The following PIK3CB variants were observed in gnomAD, a reference collection of about 807,000 sequenced individuals.
The protein encoded by PIK3CB is phosphatidylinositol-4,5-bisphosphate 3-kinase catalytic subunit beta, also known as phosphatidylinositol 4,5-bisphosphate 3-kinase catalytic subunit beta isoform.
In PIK3CB, 39 loss-of-function variants were observed where a neutral mutation model predicts 136.8. The ratio of observed to expected loss-of-function variants is 0.29; its 90% CI spans 0.22 to 0.37. The LOEUF (loss-of-function observed/expected upper bound fraction) is 0.37. Ranked by LOEUF, PIK3CB falls within the 10% of genes least tolerant of loss-of-function variation. The pLI is 1.00. For missense variants in PIK3CB, 868 were observed against 1,275.4 expected (o/e 0.68, Z 4.87); for synonymous variants, 428 against 436.6 (o/e 0.98, Z 0.25).
At chr3:138,746,073 C>T (rs895546792) in intron 4 of PIK3CB, among the ~76,000 whole-genome samples, 7 of 151,908 alleles carry the variant, frequency 4.6e-5, no homozygotes, top group African/African-American at 1.2e-4. Context: ...ATAGTGAGAC[C>T]TCATCTCTAT....
chr3:138,751,182 G>T (rs1440000321), intron 4 of PIK3CB, among the ~76,000 whole-genome samples: 2 of 152,096 alleles, frequency 1.3e-5, no homozygotes, highest in Admixed American at 1.3e-4. Context: ...TTTTAGGCCG[G>T]GCGCAGTAGC....
intron 16 of PIK3CB, among the ~76,000 whole-genome samples, chr3:138,687,828 C>A (rs493152): frequency 0.6 from 90,388 of 151,910 alleles, 27,619 homozygotes; most frequent in East Asian, 0.98. Flanking sequence ...AAGGGAAACA[C>A]GGGGTACAAT....
chr3:138,729,398 T>C (rs554816091), intron 8 of PIK3CB, among the ~76,000 whole-genome samples: 1 of 152,242 alleles, frequency 6.6e-6, no homozygotes, highest in South Asian at 2.1e-4. Flanking sequence ...ATGAGATATT[T>C]GGTCAAACAT....
chr3:138,790,053 T>C (rs961819940), intron 2 of PIK3CB, among the ~76,000 whole-genome samples: 1 of 152,184 alleles, frequency 6.6e-6, no homozygotes, highest in African/African-American at 2.4e-5. Context: ...CTTAAAAATA[T>C]AATGCCAAGT....
chr3:138,706,165 G>A (rs1273642291), intron 11 of PIK3CB, among the ~76,000 whole-genome samples: 2 of 152,202 alleles, frequency 1.3e-5, no homozygotes, highest in Non-Finnish European at 2.9e-5. Context: ...ACAGTTGCTT[G>A]AGGCAAGTAA....
rs1298339692 is a variant in PIK3CB, at chr3:138,759,253, G to A, written c.91C>T (p.Pro31Ser). Reference protein sequence around the residue: ...DSQIASDGSIPVDFLLPTGIY... With the variant: ...DSQIASDGSISVDFLLPTGIY... ...CCAGTGGGCAAAAGGAAATCCACAG[G>A]TATGGAGCCATCAGATGCTATCTGT... Residue 31 changes from proline (P) to serine (S), a missense_variant, in exon 3 of 24, where the codon CCT becomes TCT. Transcript: ENST00000674063. 4 of 1,613,052 alleles carry A rather than the reference G, an allele frequency of 2.5e-6. No homozygotes were observed. The highest frequency in any genetic ancestry group is 3.4e-6 in the Non-Finnish European group (4 of 1,179,160).
chr3:138,784,765 A>C (rs1282396100), intron 2 of PIK3CB, among the ~76,000 whole-genome samples: 1 of 152,146 alleles, frequency 6.6e-6, no homozygotes, highest in African/African-American at 2.4e-5. Flanking sequence ...CAGTGGCGTG[A>C]TCTCAGCTCG....
At chr3:138,743,183 A>G (rs2045278431) in intron 4 of PIK3CB, among the ~76,000 whole-genome samples, 1 of 152,218 alleles carries the variant, frequency 6.6e-6, no homozygotes, top group Non-Finnish European at 1.5e-5. Flanking sequence ...AACAGTTTCA[A>G]TACTATATTA....
chr3:138,705,183 AAACAAAC>A lies in PIK3CB; in HGVS notation c.1531-697_1531-691del, dbSNP rs1314232490. ...AAAAAAAAAAAAAAAACAAAAAACA[AAACAAAC>A]AAAAAAAAAAACTTATATTTGCAAA... is the stretch of plus-strand genomic sequence containing the variant. On this transcript the variant is annotated intron_variant, in intron 11 of 23. Transcript: ENST00000674063. Among the ~76,000 whole-genome samples the A allele has an allele frequency of 2.0e-3, 172 of 85,508 alleles. 38 individuals carry two copies. Among genetic ancestry groups the A allele is most frequent in the East Asian group, 0.011 (19 of 1,796 alleles). 56.1% of individuals were successfully genotyped at this position (85,508 alleles called of 152,430 possible). A position where few individuals can be genotyped will look rare whatever the true frequency, so the allele number is the denominator to read the frequency against.
intron 8 of PIK3CB, among the ~76,000 whole-genome samples, chr3:138,725,004 G>A (rs1274218647): frequency 6.6e-6 from 1 of 152,092 alleles, no homozygotes; most frequent in Non-Finnish European, 1.5e-5. Flanking sequence ...GGAAAATACG[G>A]GGAAGGTGTG....
rs369087037 is a variant in PIK3CB at position 138,794,958 on chromosome 3, G to C, written c.-17+1505C>G. ...AGAGGCTGAGGCAGGAGGATCACTT[G>C]AGCCCAGAAGTGATAGCATCACTGG... On this transcript the variant is annotated intron_variant, in intron 2 of 23. Coordinates refer to ENST00000674063, the MANE Select transcript of PIK3CB (RefSeq NM_006219.3). Among the ~76,000 whole-genome samples, 25 of 152,236 alleles carry C rather than the reference G, an allele frequency of 1.6e-4. No homozygotes were observed. The South Asian group carries it at 4.8e-3, about 29-fold the overall frequency.
rs1362983602 is a variant in PIK3CB, at chr3:138,684,818, C to T, written c.2137-15G>A. 2.5e-6 allele frequency: 4 copies of T among 1,588,232 alleles called. No individual in the cohort carries two copies. The highest frequency in any genetic ancestry group is 3.4e-6 in the Non-Finnish European group (4 of 1,163,564). On this transcript the variant is annotated splice_polypyrimidine_tract_variant and intron_variant, in intron 16 of 23. Coordinates refer to ENST00000674063, the MANE Select transcript of PIK3CB (RefSeq NM_006219.3). ...AGTGCTTCAACCTGAAAAATAAGTT[C>T]CCCACACCAAAAATTCATTTGACTA...
intron 20 of PIK3CB, 33 bp from the exon 21 acceptor site, chr3:138,664,062 G>A (rs2108418290): frequency 6.2e-7 from 1 of 1,609,256 alleles, no homozygotes; most frequent in Non-Finnish European, 8.5e-7. Context: ...AGCAAAAAAG[G>A]TTTTCAGCCT....
chr3:138,677,535 T>C (rs1005050440), intron 19 of PIK3CB, among the ~76,000 whole-genome samples: 1 of 152,226 alleles, frequency 6.6e-6, no homozygotes, highest in Non-Finnish European at 1.5e-5. Flanking sequence ...AAAATATAAG[T>C]GGTAGAATTT....
intron 1 of PIK3CB, among the ~76,000 whole-genome samples, chr3:138,808,090 T>C (rs1301553035): frequency 3.9e-5 from 6 of 152,244 alleles, no homozygotes; most frequent in South Asian, 2.1e-4. Flanking sequence ...TAGGAAAAGA[T>C]ACATTTATTT....
chr3:138,755,852 C>T lies in PIK3CB; in HGVS notation c.299G>A (p.Cys100Tyr), dbSNP rs767424578. The change falls in exon 4 of 24, where the codon TGT becomes TAT. Residue 100 changes from cysteine to tyrosine, a missense_variant. Transcript: ENST00000674063. The stretch of plus-strand genomic sequence containing the variant: ...AACTGGAAGAAAAGGTCTGACATCA[C>T]AGAGTCTTCGTGTTTCATCTTCAAG... Reference protein sequence around the residue: ...EELEDETRRLCDVRPFLPVLK... With the variant: ...EELEDETRRLYDVRPFLPVLK... The T allele has an allele frequency of 6.2e-7, 1 of 1,612,850 alleles. No individual in the cohort carries two copies. Among genetic ancestry groups the T allele is most frequent in the Non-Finnish European group, 8.5e-7 (1 of 1,179,016 alleles).
chr3:138,802,262 C>G (rs1364700977), intron 1 of PIK3CB, among the ~76,000 whole-genome samples: 9 of 150,954 alleles, frequency 6.0e-5, no homozygotes, highest in African/African-American at 2.2e-4. Flanking sequence ...CGCCTATAAT[C>G]CCAGTTACTC....
At chr3:138,795,964 C>T (rs2046104277) in intron 2 of PIK3CB, among the ~76,000 whole-genome samples, 2 of 152,182 alleles carry the variant, frequency 1.3e-5, no homozygotes, top group African/African-American at 4.8e-5. Flanking sequence ...TGACACTCCT[C>T]TCTGCTTCAT....
In PIK3CB at chr3:138,725,836, G is replaced by A. The variant is rs116766930; in HGVS notation, c.1050+7525C>T. On this transcript the variant is annotated intron_variant, in intron 8 of 23. Transcript: ENST00000674063. The stretch of plus-strand genomic sequence containing the variant: ...ACATCTGTGTCATCTCGTCACTGAC[G>A]TCTATTGAACTATCATTGTCCACAC... Among the ~76,000 whole-genome samples the A allele has an allele frequency of 1.0e-3, 157 of 152,148 alleles. 1 individual carries two copies. The highest frequency in any genetic ancestry group is 3.4e-3 in the African/African-American group (141 of 41,520).
Sources: gnomAD v4.1 joint callset for allele counts (sites outside exome capture counted in the v4.1 genomes callset) on GRCh38, gnomAD v4.1.1 for gene constraint, MANE v1.5 for transcripts, NCBI Gene and HGNC (gene_info 2026-07-23, HGNC 2026-07-21) for gene names.